XDH: variants seen among roughly 807,000 people sequenced by gnomAD.
XDH encodes xanthine dehydrogenase/oxidase.
Under a neutral mutation model 156.1 loss-of-function variants are expected in XDH, and 138 were observed. The ratio of observed to expected loss-of-function variants is 0.88; its 90% CI spans 0.77 to 1.02. The LOEUF is 1.02. Among genes scored for constraint, XDH ranks in the 50% least tolerant of loss-of-function variants. XDH has a pLI of 0.00. For missense variants in XDH, 1,849 were observed against 1,684.9 expected (o/e 1.10, Z -1.71); for synonymous variants, 669 against 625.7 (o/e 1.07, Z -1.03).
chr2:31,355,107 A>G (rs998869041), intron 24 of XDH, among the ~76,000 whole-genome samples: 1 of 152,226 alleles, frequency 6.6e-6, no homozygotes, highest in African/African-American at 2.4e-5. Flanking sequence ...CAGAAGCCAT[A>G]GAGACCAGAA....
chr2:31,394,406 A>G (rs756907528), intron 6 of XDH, among the ~76,000 whole-genome samples: 15 of 152,128 alleles, frequency 9.9e-5, no homozygotes, highest in Non-Finnish European at 2.1e-4. Context: ...TTGCTCTTCT[A>G]TAGGTGAGGG....
At position 31,364,246 on chromosome 2, in the gene XDH, T is replaced by C. The variant is rs761455143; in HGVS notation, c.2545-2A>G. 3 of 1,614,100 alleles carry C rather than the reference T, an allele frequency of 1.9e-6. No individual in the cohort carries two copies. Among genetic ancestry groups the C allele is most frequent in the South Asian group, 1.1e-5 (1 of 91,086 alleles). On this transcript the variant is annotated splice_acceptor_variant, in intron 23 of 35. Coordinates refer to ENST00000379416, the MANE Select transcript of XDH (RefSeq NM_000379.4). LOFTEE classifies it high-confidence loss of function. ...TGTCCCAGTCTTCATGAAGCCAACCTGATAAAAGGAGAAAGGAGAGGGATT... is the reference window on the plus strand; with the variant it reads ...TGTCCCAGTCTTCATGAAGCCAACCCGATAAAAGGAGAAAGGAGAGGGATT...
At chr2:31,352,262 TTGAC>T (rs1340073751) in intron 24 of XDH, among the ~76,000 whole-genome samples, 2 of 152,198 alleles carry the variant, frequency 1.3e-5, no homozygotes, top group African/African-American at 2.4e-5. Context: ...TTTTTATTCT[TTGAC>T]TGCTCCATTT....
At chr2:31,401,777 TG>T (rs1352719374) in intron 3 of XDH, among the ~76,000 whole-genome samples, 1 of 152,158 alleles carries the variant, frequency 6.6e-6, no homozygotes, top group African/African-American at 2.4e-5. Flanking sequence ...CATTTCTCTG[TG>T]GGGAAAGGGG....
intron 2 of XDH, among the ~76,000 whole-genome samples, chr2:31,403,772 A>G (rs1330936948): frequency 6.6e-6 from 1 of 152,182 alleles, no homozygotes; most frequent in African/African-American, 2.4e-5. Flanking sequence ...CAGAAAGACC[A>G]TCTGCTACTT....
chr2:31,394,007 C>T (rs1418722527), intron 6 of XDH, among the ~76,000 whole-genome samples: 1 of 151,990 alleles, frequency 6.6e-6, no homozygotes, highest in East Asian at 1.9e-4. Context: ...TATACATATG[C>T]ACACATAAAC....
chr2:31,395,307 G>A (rs530978537), intron 6 of XDH, among the ~76,000 whole-genome samples: 3 of 152,110 alleles, frequency 2.0e-5, no homozygotes, highest in African/African-American at 7.2e-5. Context: ...GCTGGAGGGG[G>A]CTGGGCTTGT....
chr2:31,380,391 A>T (rs1686405984), intron 12 of XDH, among the ~76,000 whole-genome samples: 1 of 152,228 alleles, frequency 6.6e-6, no homozygotes, highest in Admixed American at 6.5e-5. Context: ...AAGGGTTCCC[A>T]GTGCTCCATG....
In XDH at chr2:31,365,556, C is replaced by T. The variant is rs755951136; in HGVS notation, c.2457-12G>A. The T allele has an allele frequency of 3.0e-5, 48 of 1,613,956 alleles. No individual in the cohort carries two copies. Among genetic ancestry groups the T allele is most frequent in the Middle Eastern group, 1.6e-4 (1 of 6,078 alleles). ...CAGGGCGGCCGGTCCTGGGGGTTAC[C>T]GACAGTGTTAGAAGCCTGTGAGCCT... On this transcript the variant is annotated splice_polypyrimidine_tract_variant and intron_variant, in intron 22 of 35. Transcript: ENST00000379416.
At chr2:31,388,397 C>T in intron 6 of XDH, 102 bp from the exon 7 acceptor site, 1 of 1,309,566 alleles carries the variant, frequency 7.6e-7, no homozygotes, top group Non-Finnish European at 1.1e-6. Context: ...AGCTCTGACG[C>T]CTGTCCCAGC....
At chr2:31,386,653 T>C (rs1686605867) in intron 8 of XDH, 98 bp from the exon 9 acceptor site, 5 of 1,503,746 alleles carry the variant, frequency 3.3e-6, no homozygotes, top group Non-Finnish European at 4.6e-6. Context: ...TTTACTGACA[T>C]TCAGAATGAA....
intron 1 of XDH, among the ~76,000 whole-genome samples, chr2:31,411,995 G>T (rs540041196): frequency 6.7e-6 from 1 of 149,706 alleles, no homozygotes; most frequent in Non-Finnish European, 1.5e-5. Flanking sequence ...GAAAGTCACC[G>T]TGACGATCTC....
intron 17 of XDH, among the ~76,000 whole-genome samples, chr2:31,371,846 T>C (rs1196737807): frequency 6.6e-6 from 1 of 152,150 alleles, no homozygotes; most frequent in East Asian, 1.9e-4. Flanking sequence ...AGGAAGGGCT[T>C]TTCCTAGCTG....
intron 24 of XDH, among the ~76,000 whole-genome samples, chr2:31,362,349 T>A (rs17038412): frequency 0.19 from 29,399 of 152,146 alleles, 3,047 homozygotes; most frequent in East Asian, 0.38. Context: ...CATCTCAAGC[T>A]ACTGATCCTG....
chr2:31,412,886 GA>G (rs1404978118), intron 1 of XDH, among the ~76,000 whole-genome samples: 1 of 152,144 alleles, frequency 6.6e-6, no homozygotes, highest in Non-Finnish European at 1.5e-5. Context: ...TACAAACATG[GA>G]TATTCATCAC....
At chr2:31,405,444 G>A (rs562819883) in intron 2 of XDH, among the ~76,000 whole-genome samples, 1 of 152,214 alleles carries the variant, frequency 6.6e-6, no homozygotes, top group Non-Finnish European at 1.5e-5. Flanking sequence ...TACAATGAAT[G>A]CTACCTGTAT....
intron 31 of XDH, 84 bp from the exon 32 acceptor site, chr2:31,342,381 A>G: frequency 8.3e-7 from 1 of 1,206,102 alleles, no homozygotes; most frequent in South Asian, 1.2e-5. Context: ...GACCCACAAC[A>G]TCTTTAAACC....
In XDH at chr2:31,349,106, T is replaced by C. The variant is rs45491596; in HGVS notation, c.2970-126A>G. 1.4e-3 allele frequency: 1,223 copies of C among 878,158 alleles called. 10 individuals carry two copies. In the African/African-American group the frequency reaches 0.019, roughly 13 times the overall value. 54.4% of individuals were successfully genotyped at this position (878,158 alleles called of 1,614,324 possible). A position where few individuals can be genotyped will look rare whatever the true frequency, so the allele number is the denominator to read the frequency against. On this transcript the variant is annotated intron_variant, in intron 26 of 35. Coordinates refer to ENST00000379416, the MANE Select transcript of XDH (RefSeq NM_000379.4). ...CACAAAGATGAGAACAGTCAGCTGGTGCACAGCCCACACCAGGGGGTCTTG... is the reference window on the plus strand; with the variant it reads ...CACAAAGATGAGAACAGTCAGCTGGCGCACAGCCCACACCAGGGGGTCTTG...
At chr2:31,411,953 G>T (rs1258246003) in intron 1 of XDH, among the ~76,000 whole-genome samples, 1 of 130,166 alleles carries the variant, frequency 7.7e-6, no homozygotes. Context: ...AGTGAATGAT[G>T]AGTAAGTGAG....
Sources: gnomAD v4.1 joint callset for allele counts (sites outside exome capture counted in the v4.1 genomes callset) on GRCh38, gnomAD v4.1.1 for gene constraint, MANE v1.5 for transcripts, NCBI Gene and HGNC (gene_info 2026-07-23, HGNC 2026-07-21) for gene names.